The following STK36 variants were observed in gnomAD, a reference collection of about 807,000 sequenced individuals.
The protein encoded by STK36 is serine/threonine kinase 36.
A neutral mutation model predicts 142.2 loss-of-function variants in STK36; 116 were observed. The observed-to-expected ratio is 0.82, with a 90% confidence interval of 0.70 to 0.95. STK36 has a LOEUF of 0.95. STK36 is among the 40% of genes least tolerant of loss of function. The pLI is 0.00. For synonymous variants in STK36, 619 were observed against 641.7 expected (o/e 0.96, Z 0.53); for missense variants, 1,422 against 1,617.2 (o/e 0.88, Z 2.07).
At chr2:218,698,075 G>T in intron 25 of STK36, 74 bp downstream of exon 25, 1 of 1,587,060 alleles carries the variant, frequency 6.3e-7, no homozygotes. Flanking sequence ...CTTCCCAGCA[G>T]CTCCAGGGCT....
intron 11 of STK36, among the ~76,000 whole-genome samples, chr2:218,686,917 T>C (rs1001095453): frequency 6.6e-6 from 1 of 152,248 alleles, no homozygotes; most frequent in African/African-American, 2.4e-5. Flanking sequence ...TTCACATCCT[T>C]GTCAACACTT....
At position 218,694,324 on chromosome 2, in the gene STK36, TGTG is replaced by T. The variant is rs771430902; in HGVS notation, c.2400_2400+2del. ...TTACCCATTCGCATGTCGTCTCTCTTGTGGTAAGTTTTTAACCTTCACCCTCCT... is the reference window on the plus strand; with the variant it reads ...TTACCCATTCGCATGTCGTCTCTCTTGTAAGTTTTTAACCTTCACCCTCCT... On this transcript the variant is annotated inframe_deletion and splice_region_variant, in exon 20 of 27. Transcript: ENST00000295709. This position sits in a 1 kb window ranked among gnomAD's most constrained non-coding sequence, Gnocchi z 4.4. 13 of 1,613,866 alleles carry T rather than the reference TGTG, an allele frequency of 8.1e-6. No individual in the cohort carries two copies. Among genetic ancestry groups the T allele is most frequent in the Non-Finnish European group, 2.5e-6 (3 of 1,179,820 alleles).
At chr2:218,685,277 A>G in intron 11 of STK36, 49 bp downstream of exon 11, 1 of 1,605,888 alleles carries the variant, frequency 6.2e-7, no homozygotes. Context: ...GTTTTCACAG[A>G]TGGAGCATTG....
chr2:218,683,584 A>G (rs1416526092), intron 10 of STK36, among the ~76,000 whole-genome samples: 2 of 151,764 alleles, frequency 1.3e-5, no homozygotes, highest in Non-Finnish European at 2.9e-5. Context: ...ATTTTTATTT[A>G]TTTATTTATT....
chr2:218,693,996 G>A lies in STK36; in HGVS notation c.2336+13G>A. ...ACCTGCCTTGTGGGTAAGTCATAAAGTAGGGTGTCTCCACAGAAGTCTTCT... is the reference window on the plus strand; with the variant it reads ...ACCTGCCTTGTGGGTAAGTCATAAAATAGGGTGTCTCCACAGAAGTCTTCT... On this transcript the variant is annotated intron_variant, in intron 19 of 26. Transcript: ENST00000295709. 1 of 1,613,786 alleles carries A rather than the reference G, an allele frequency of 6.2e-7. No homozygotes were observed. Among genetic ancestry groups the A allele is most frequent in the African/African-American group, 1.3e-5 (1 of 75,062 alleles).
chr2:218,690,875 G>A (rs1270690142), intron 14 of STK36, among the ~76,000 whole-genome samples: 1 of 152,178 alleles, frequency 6.6e-6, no homozygotes, highest in African/African-American at 2.4e-5. Flanking sequence ...ACACTATTTG[G>A]AGTATCATAG....
chr2:218,684,920 C>A, intron 10 of STK36, 165 bp from the exon 11 acceptor site: 1 of 774,254 alleles, frequency 1.3e-6, no homozygotes, highest in African/African-American at 1.7e-5. Flanking sequence ...TCACAGACTG[C>A]CAGCTGTACC....
chr2:218,673,991 G>A lies in STK36; in HGVS notation c.303+35G>A, dbSNP rs140329477. On this transcript the variant is annotated intron_variant, in intron 4 of 26. Transcript: ENST00000295709. ...CTGCCTTCAACTTCTCCCCACCTCC[G>A]ACCTCTCTCCAGGTTAGAGAACTGG... 2.0e-3 allele frequency: 3,151 copies of A among 1,592,442 alleles called. 11 individuals carry two copies. The highest frequency in any genetic ancestry group is 2.4e-3 in the Non-Finnish European group (2,840 of 1,166,560).
intron 2 of STK36, 125 bp downstream of exon 2, chr2:218,673,038 C>G: frequency 1.2e-6 from 1 of 809,992 alleles, no homozygotes; most frequent in East Asian, 2.7e-5. Context: ...CCTCATACTT[C>G]TTATGGAGTA....
intron 10 of STK36, among the ~76,000 whole-genome samples, chr2:218,684,004 G>A (rs1413428734): frequency 3.0e-5 from 4 of 133,698 alleles, no homozygotes; most frequent in Non-Finnish European, 6.2e-5. Flanking sequence ...TTACTATATT[G>A]CCCAGGCTGG....
chr2:218,676,802 C>T (rs1010348090), intron 6 of STK36, among the ~76,000 whole-genome samples: 6 of 151,998 alleles, frequency 3.9e-5, no homozygotes, highest in South Asian at 2.1e-4. Flanking sequence ...GTGCCCACCA[C>T]GACACCCGGC....
At chr2:218,683,961 C>CTTT (rs35930271) in intron 10 of STK36, among the ~76,000 whole-genome samples, 22 of 135,868 alleles carry the variant, frequency 1.6e-4, no homozygotes, top group African/African-American at 3.3e-4. Flanking sequence ...ATATGTGCCA[C>CTTT]TTTTTTTTTT....
At chr2:218,683,742 A>C in intron 10 of STK36, among the ~76,000 whole-genome samples, 8 of 146,786 alleles carry the variant, frequency 5.5e-5, no homozygotes, top group African/African-American at 1.5e-4. Context: ...CCCTTCCCCC[A>C]CCCCACAACA....
chr2:218,692,826 C>G, intron 16 of STK36, 116 bp downstream of exon 16: 1 of 1,366,310 alleles, frequency 7.3e-7, no homozygotes, highest in Non-Finnish European at 9.7e-7. Flanking sequence ...TTTAGTACTT[C>G]CAGAAACAGA....
At chr2:218,678,875 G>A (rs909711858) in intron 6 of STK36, among the ~76,000 whole-genome samples, 1 of 152,192 alleles carries the variant, frequency 6.6e-6, no homozygotes, top group Non-Finnish European at 1.5e-5. Context: ...TTCTCCCAGT[G>A]TTTTTTCTCC....
chr2:218,679,060 A>T, intron 6 of STK36, 108 bp from the exon 7 acceptor site: 1 of 1,038,324 alleles, frequency 9.6e-7, no homozygotes, highest in Admixed American at 2.1e-5. Flanking sequence ...AGAGCAGCTC[A>T]TCTGCTGTGA....
At chr2:218,690,299 G>A (rs1294522685) in intron 13 of STK36, 151 bp from the exon 14 acceptor site, 3 of 691,586 alleles carry the variant, frequency 4.3e-6, no homozygotes, top group Middle Eastern at 3.8e-4. Context: ...GGCTTGGAGG[G>A]TGTATGTGTG....
chr2:218,687,002 T>G (rs986978869), intron 11 of STK36, among the ~76,000 whole-genome samples: 16 of 152,258 alleles, frequency 1.1e-4, no homozygotes, highest in African/African-American at 1.4e-4. Context: ...TTAATTTACA[T>G]TCCACTAATG....
rs1219846008 is a variant in STK36 at position 218,694,446 on chromosome 2, A to G, written c.2401-79A>G. The G allele has an allele frequency of 5.9e-6, 9 of 1,532,566 alleles. No individual in the cohort carries two copies. The highest frequency in any genetic ancestry group is 2.7e-6 in the Non-Finnish European group (3 of 1,106,524). The allele number at this position is 1,532,566 out of a possible 1,614,324, so 94.9% of individuals were successfully genotyped here. A position where few individuals can be genotyped will look rare whatever the true frequency, so the allele number is the denominator to read the frequency against. On this transcript the variant is annotated intron_variant, in intron 20 of 26. Transcript: ENST00000295709. This position sits in a 1 kb window ranked among gnomAD's most constrained non-coding sequence, Gnocchi z 4.4. Reference sequence around the variant, plus strand: ...TGGAGGCATTCTTTTGGACCAGGACAGAGACATAAATCCTCTCTGCCTGTC... The same window carrying G: ...TGGAGGCATTCTTTTGGACCAGGACGGAGACATAAATCCTCTCTGCCTGTC...
Sources: allele counts gnomAD v4.1 joint callset (sites outside exome capture counted in the v4.1 genomes callset), GRCh38; gene constraint gnomAD v4.1.1; non-coding constraint Gnocchi (gnomAD v3.1); transcripts MANE v1.5; gene names NCBI Gene and HGNC (gene_info 2026-07-23, HGNC 2026-07-21).